Variants in GRIK2 observed in about 807,000 individuals in gnomAD.
The protein encoded by GRIK2 is glutamate receptor ionotropic, kainate 2.
Under a neutral mutation model 100.3 loss-of-function variants are expected in GRIK2, and 32 were observed. The observed-to-expected ratio is 0.32, with a 90% CI of 0.24 to 0.43. The LOEUF (loss-of-function observed/expected upper bound fraction) is 0.43, where lower values mean the gene tolerates loss of function less well. GRIK2 is among the 20% of genes least tolerant of loss of function. GRIK2 has a pLI of 1.00. For missense variants in GRIK2, 843 were observed against 1,114.9 expected, an observed-to-expected ratio of 0.76 and a Z score of 3.47; for synonymous variants, 417 against 389.4, an observed-to-expected ratio of 1.07 and a Z score of -0.83.
intron 13 of GRIK2, among the ~76,000 whole-genome samples, chr6:101,925,798 T>C (rs1359016125): frequency 1.3e-5 from 2 of 152,046 alleles, no homozygotes; most frequent in Non-Finnish European, 2.9e-5. Flanking sequence ...TATGTTGTTA[T>C]AAAATGTTGT....
chr6:101,884,180 C>A (rs769200159), intron 11 of GRIK2, among the ~76,000 whole-genome samples: 1 of 151,950 alleles, frequency 6.6e-6, no homozygotes, highest in Admixed American at 6.6e-5. Context: ...TTTAGGAATG[C>A]GTGGTATTAC....
intron 7 of GRIK2, among the ~76,000 whole-genome samples, chr6:101,690,965 T>C (rs1262962486): frequency 6.6e-6 from 1 of 152,156 alleles, no homozygotes; most frequent in Non-Finnish European, 1.5e-5. Context: ...ACTCTAGTGC[T>C]TTAGTTTCTT....
intron 2 of GRIK2, among the ~76,000 whole-genome samples, chr6:101,600,216 G>A (rs1186394986): frequency 6.6e-6 from 1 of 151,808 alleles, no homozygotes; most frequent in Non-Finnish European, 1.5e-5. Context: ...CTGTAGGTAT[G>A]CAAGTTTATT....
At chr6:101,900,048 C>T (rs1341421200) in intron 12 of GRIK2, among the ~76,000 whole-genome samples, 2 of 151,954 alleles carry the variant, frequency 1.3e-5, no homozygotes, top group Non-Finnish European at 2.9e-5. Context: ...AAGATTCATA[C>T]TTAGAGAAAT....
At chr6:101,481,509 T>C (rs1381259899) in intron 2 of GRIK2, among the ~76,000 whole-genome samples, 2 of 152,164 alleles carry the variant, frequency 1.3e-5, no homozygotes, top group Non-Finnish European at 2.9e-5. Flanking sequence ...TGCTTTACTA[T>C]GATTTATTTT....
chr6:101,812,977 T>C (rs1781427742), intron 9 of GRIK2, among the ~76,000 whole-genome samples: 1 of 151,984 alleles, frequency 6.6e-6, no homozygotes, highest in Non-Finnish European at 1.5e-5. Flanking sequence ...TTCTCTCTCT[T>C]TCTACTCAGT....
At chr6:101,957,469 T>G (rs1048921107) in intron 14 of GRIK2, among the ~76,000 whole-genome samples, 5 of 151,392 alleles carry the variant, frequency 3.3e-5, no homozygotes, top group Non-Finnish European at 7.4e-5. Context: ...ATTTTCTTAT[T>G]TATTTATTTT....
At chr6:101,453,004 T>C (rs1255669423) in intron 2 of GRIK2, among the ~76,000 whole-genome samples, 1 of 151,760 alleles carries the variant, frequency 6.6e-6, no homozygotes, top group Non-Finnish European at 1.5e-5. Flanking sequence ...TTCTGTAGCA[T>C]GATAGTTCTA....
intron 2 of GRIK2, among the ~76,000 whole-genome samples, chr6:101,522,238 T>C (rs1449296566): frequency 6.6e-6 from 1 of 152,160 alleles, no homozygotes; most frequent in African/African-American, 2.4e-5. Flanking sequence ...TTTGTCACAG[T>C]TGATTCTTTT....
intron 10 of GRIK2, among the ~76,000 whole-genome samples, chr6:101,843,130 T>G (rs548919245): frequency 7.9e-5 from 12 of 152,282 alleles, no homozygotes; most frequent in Non-Finnish European, 1.3e-4. Context: ...AAAGAGAATA[T>G]TGAAGAAAAA....
intron 7 of GRIK2, among the ~76,000 whole-genome samples, chr6:101,705,541 A>G (rs1415480): frequency 0.052 from 7,822 of 151,854 alleles, 255 homozygotes; most frequent in East Asian, 0.14. Flanking sequence ...GTAAGATACA[A>G]GTGTTACTTT....
intron 14 of GRIK2, among the ~76,000 whole-genome samples, chr6:102,013,006 T>A (rs1470615790): frequency 1.3e-5 from 2 of 152,186 alleles, no homozygotes; most frequent in Non-Finnish European, 2.9e-5. Context: ...AGAGCATGAA[T>A]CTGTAAATTG....
chr6:101,962,113 G>A (rs79758429), intron 14 of GRIK2, among the ~76,000 whole-genome samples: 9,142 of 152,200 alleles, frequency 0.06, 399 homozygotes, highest in Middle Eastern at 0.17. Flanking sequence ...GGAGCATAAA[G>A]TACCCCCATC....
At chr6:101,789,210 A>G (rs1779653301) in intron 7 of GRIK2, among the ~76,000 whole-genome samples, 1 of 152,118 alleles carries the variant, frequency 6.6e-6, no homozygotes, top group Non-Finnish European at 1.5e-5. Context: ...GTTTAGTTTA[A>G]TTAGATCCCA....
intron 2 of GRIK2, among the ~76,000 whole-genome samples, chr6:101,620,671 A>C (rs1780112313): frequency 6.6e-6 from 1 of 152,160 alleles, no homozygotes; most frequent in Non-Finnish European, 1.5e-5. Context: ...TTAATTTATG[A>C]ATGACTGTAC....
At chr6:101,474,532 A>ATAT (rs879831768) in intron 2 of GRIK2, among the ~76,000 whole-genome samples, 25 of 151,874 alleles carry the variant, frequency 1.6e-4, no homozygotes, top group Non-Finnish European at 3.4e-4. Flanking sequence ...TCAGGCTTGA[A>ATAT]TATTATACTT....
At chr6:102,038,430 T>TATC (rs1240545311) in intron 15 of GRIK2, among the ~76,000 whole-genome samples, 3 of 151,256 alleles carry the variant, frequency 2.0e-5, no homozygotes, top group African/African-American at 7.3e-5. Context: ...CATATATTGC[T>TATC]ATCACTCTCT....
intron 12 of GRIK2, among the ~76,000 whole-genome samples, chr6:101,897,837 A>AT (rs559485151): frequency 6.6e-6 from 1 of 151,746 alleles, no homozygotes; most frequent in South Asian, 2.1e-4. Flanking sequence ...ATAGGTCAGT[A>AT]TTTTTTTTCT....
chr6:101,925,473 T>G (rs975421120), intron 13 of GRIK2, among the ~76,000 whole-genome samples: 1 of 151,296 alleles, frequency 6.6e-6, no homozygotes, highest in Non-Finnish European at 1.5e-5. Context: ...TTATTAATCT[T>G]TTCACATTTA....
Sources: allele counts gnomAD v4.1 joint callset (sites outside exome capture counted in the v4.1 genomes callset), GRCh38; gene constraint gnomAD v4.1.1; transcripts MANE v1.5; gene names NCBI Gene and HGNC (gene_info 2026-07-23, HGNC 2026-07-21).